The following STK33 variants were observed in gnomAD, a reference collection of about 807,000 sequenced individuals.
The protein encoded by STK33 is serine/threonine kinase 33, also known as serine/threonine-protein kinase 33.
Under a neutral mutation model 58.0 loss-of-function variants are expected in STK33, and 52 were observed. The observed-to-expected ratio is 0.90, with a 90% confidence interval of 0.72 to 1.13. The LOEUF is 1.13. Among genes scored for constraint, STK33 ranks in the 50% most tolerant of loss-of-function variants. The pLI, the probability that STK33 is intolerant of heterozygous loss-of-function variation, is 0.00. For missense variants in STK33, 630 were observed against 604.2 expected (o/e 1.04, Z -0.45); for synonymous variants, 215 against 200.1 (o/e 1.07, Z -0.63).
At chr11:8,452,777 G>A in intron 11 of STK33, 45 bp downstream of exon 11, 1 of 1,549,056 alleles carries the variant, frequency 6.5e-7, no homozygotes, top group South Asian at 1.1e-5. Flanking sequence ...AACAGAGGAT[G>A]ATCCTGTCTC....
At chr11:8,549,432 T>C (rs527721850) in intron 1 of STK33, among the ~76,000 whole-genome samples, 3 of 152,118 alleles carry the variant, frequency 2.0e-5, no homozygotes, top group Non-Finnish European at 2.9e-5. Flanking sequence ...CCTGTAGTTT[T>C]CTGTTTTTGT....
chr11:8,410,576 G>A (rs1173240975), intron 15 of STK33, among the ~76,000 whole-genome samples: 2 of 148,220 alleles, frequency 1.3e-5, no homozygotes, highest in African/African-American at 4.9e-5. Context: ...GGGTTCAAGC[G>A]ATTCTCCTGC....
At chr11:8,373,224 AACCC>A in the STK33 span, among the ~76,000 whole-genome samples, 227 of 152,294 alleles carry the variant, frequency 1.5e-3, no homozygotes, top group African/African-American at 5.3e-3. Flanking sequence ...TTAAGCTCAG[AACCC>A]ACATGTTTCT....
chr11:8,444,654 T>C (rs1945190617), intron 11 of STK33, among the ~76,000 whole-genome samples: 1 of 152,036 alleles, frequency 6.6e-6, no homozygotes, highest in African/African-American at 2.4e-5. Context: ...GTAAACATAA[T>C]ATGCATATTT....
intron 1 of STK33, among the ~76,000 whole-genome samples, chr11:8,487,814 T>C (rs1243209115): frequency 2.0e-5 from 3 of 151,896 alleles, no homozygotes; most frequent in Non-Finnish European, 4.4e-5. Context: ...AATGAAAAAA[T>C]GGCAAAAAAA....
In STK33 at chr11:8,566,279, C is replaced by A. The variant is rs113938301; in HGVS notation, c.-466+27804G>T. On this transcript the variant is annotated intron_variant, in intron 1 of 15. Coordinates refer to ENST00000687296, the MANE Select transcript of STK33 (RefSeq NM_001352389.2). ...TCTTAATTCAACTCCTTGTTATCTC[C>A]AAAACGTGAGAGTTGAGAAATAAAA... is the stretch of plus-strand genomic sequence containing the variant. 1.0e-3 allele frequency among the ~76,000 whole-genome samples: 156 copies of A among 152,284 alleles called. 1 individual carries two copies. The highest frequency in any genetic ancestry group is 3.5e-3 in the African/African-American group (146 of 41,552).
the STK33 span, among the ~76,000 whole-genome samples, chr11:8,385,244 C>A: frequency 6.6e-6 from 1 of 152,230 alleles, no homozygotes; most frequent in Non-Finnish European, 1.5e-5. Context: ...TTCCACTTTG[C>A]ATAATTCATT....
rs1392293632 is a variant in STK33 at position 8,540,991 on chromosome 11, TC to T, written c.-466+53091del. ...ATCTCTCTCTCTCTCTCTCTCTCTC[TC>T]TCTATATATATATATATATATCTCA... On this transcript the variant is annotated intron_variant, in intron 1 of 15. Transcript: ENST00000687296. Among the ~76,000 whole-genome samples, 7 of 135,796 alleles carry T rather than the reference TC, an allele frequency of 5.2e-5. No homozygotes were observed. The East Asian group carries it at 1.4e-3, about 27-fold the overall frequency. The allele number at this position is 135,796 out of a possible 152,430, so 89.1% of individuals were successfully genotyped here.
intron 4 of STK33, among the ~76,000 whole-genome samples, chr11:8,476,225 T>C (rs959093553): frequency 6.6e-6 from 1 of 152,212 alleles, no homozygotes; most frequent in African/African-American, 2.4e-5. Flanking sequence ...ATGTGACTTA[T>C]GGCCATTAAG....
intron 1 of STK33, among the ~76,000 whole-genome samples, chr11:8,516,500 G>A (rs1952794888): frequency 6.6e-6 from 1 of 152,216 alleles, no homozygotes. Context: ...GGGCTTGTCA[G>A]ACAGAGGGTG....
intron 1 of STK33, among the ~76,000 whole-genome samples, chr11:8,494,802 C>T (rs12362364): frequency 0.029 from 4,481 of 152,224 alleles, 68 homozygotes; most frequent in African/African-American, 0.051. Context: ...ACATCTACAA[C>T]CATCTGATCT....
chr11:8,402,380 C>A (rs1442905682), intron 15 of STK33, among the ~76,000 whole-genome samples: 1 of 151,934 alleles, frequency 6.6e-6, no homozygotes, highest in Non-Finnish European at 1.5e-5. Flanking sequence ...AAACCAAACA[C>A]CACGTGTTCT....
intron 1 of STK33, among the ~76,000 whole-genome samples, chr11:8,522,359 C>T (rs1953538317): frequency 6.6e-6 from 1 of 151,782 alleles, no homozygotes; most frequent in South Asian, 2.1e-4. Context: ...TGATTCTGAG[C>T]AAACTATCCC....
chr11:8,389,377 T>C (rs1287539065), downstream of STK33, among the ~76,000 whole-genome samples: 1 of 152,168 alleles, frequency 6.6e-6, no homozygotes, highest in African/African-American at 2.4e-5. Flanking sequence ...TGCCAATGAA[T>C]CCAGAAGCCC....
intron 1 of STK33, among the ~76,000 whole-genome samples, chr11:8,558,526 T>C (rs758320255): frequency 6.6e-6 from 1 of 152,182 alleles, no homozygotes; most frequent in Non-Finnish European, 1.5e-5. Context: ...AGTTTACTTA[T>C]AGATATAGGC....
intron 6 of STK33, among the ~76,000 whole-genome samples, chr11:8,472,735 G>A (rs1405800307): frequency 6.6e-6 from 1 of 152,024 alleles, no homozygotes; most frequent in African/African-American, 2.4e-5. Context: ...TGGAAAAATA[G>A]TATTGGTATT....
At chr11:8,487,238 C>G (rs923073839) in intron 1 of STK33, among the ~76,000 whole-genome samples, 3 of 151,680 alleles carry the variant, frequency 2.0e-5, no homozygotes, top group African/African-American at 7.3e-5. Flanking sequence ...AGTCAGGGCA[C>G]TATGGCAAGA....
In STK33 at chr11:8,440,710, G is replaced by A. The variant is rs1344676346; in HGVS notation, c.915C>T (p.Asp305=). 1.3e-6 allele frequency: 2 copies of A among 1,571,342 alleles called. No individual in the cohort carries two copies. Among genetic ancestry groups the A allele is most frequent in the Non-Finnish European group, 1.7e-6 (2 of 1,156,100 alleles). ...ISAHDYSQQC[D]IWSIGVVMYM... ...ACATTACGACGCCTATGCTCCAAATGTCACACTGCTGGCTATAGTCGTGGG... is the reference window on the plus strand; with the variant it reads ...ACATTACGACGCCTATGCTCCAAATATCACACTGCTGGCTATAGTCGTGGG... The change falls in exon 12 of 16, where the codon GAC becomes GAT. Residue 305 remains aspartate, a synonymous_variant. Transcript: ENST00000687296.
chr11:8,541,145 G>A (rs11041971), intron 1 of STK33, among the ~76,000 whole-genome samples: 1,738 of 152,076 alleles, frequency 0.011, 19 homozygotes, highest in African/African-American at 0.038. Context: ...CAGATGTTAT[G>A]CCTTTAAAAT....
Sources: gnomAD v4.1 joint callset for allele counts (sites outside exome capture counted in the v4.1 genomes callset) on GRCh38, gnomAD v4.1.1 for gene constraint, MANE v1.5 for transcripts, NCBI Gene and HGNC (gene_info 2026-07-23, HGNC 2026-07-21) for gene names.